Variants in CD151 observed in about 807,000 individuals in gnomAD.
CD151 encodes CD151 molecule (Raph blood group).
CD151 carries 20 observed loss-of-function variants against 34.2 expected under a neutral mutation model. The ratio of observed to expected loss-of-function variants is 0.58; its 90% confidence interval spans 0.41 to 0.85. CD151 has a LOEUF of 0.85. CD151 is among the 40% of genes least tolerant of loss of function. The pLI is 0.00. For synonymous variants in CD151, 157 were observed against 131.7 expected, an observed-to-expected ratio of 1.19 and a Z score of -1.32; for missense variants, 306 against 324.5, an observed-to-expected ratio of 0.94 and a Z score of 0.44.
chr11:837,483 C>G lies in CD151; in HGVS notation c.480C>G (p.Asn160Lys), dbSNP rs117252522. ...AGTTCCACTGCTGTGGCAGCAACAA[C>G]TCACAGGACTGGCGAGACAGTGAGT... ...QQEFHCCGSN[N>K]SQDWRDSEWI... Residue 160 changes from asparagine to lysine, a missense_variant, in exon 7 of 9, where the codon AAC (asparagine) becomes AAG (lysine). By Grantham distance (94) the Asn-to-Lys change is moderately conservative (BLOSUM62 0). Coordinates refer to ENST00000397420, the MANE Select transcript of CD151 (RefSeq NM_004357.5). 1.2e-6 allele frequency: 2 copies of G among 1,612,972 alleles called. No individual in the cohort carries two copies. The highest frequency in any genetic ancestry group is 3.3e-5 in the Admixed American group (2 of 60,012).
At chr11:835,526 A>C (rs1253020428) in intron 2 of CD151, 2 of 151,410 alleles carry the variant, frequency 1.3e-5, no homozygotes, top group Middle Eastern at 3.4e-3. Context: ...TTTTTGATGG[A>C]GATGGGGTTT....
chr11:836,872 A>T (rs1387579721), intron 5 of CD151, 29 bp downstream of exon 5: 1 of 1,598,770 alleles, frequency 6.3e-7, no homozygotes, highest in Admixed American at 1.7e-5. Flanking sequence ...CCATTCAGAG[A>T]CACAGACATG....
At chr11:835,734 C>G (rs984797493) in intron 2 of CD151, 12 of 252,570 alleles carry the variant, frequency 4.8e-5, no homozygotes, top group South Asian at 4.1e-4. Context: ...GTCGCCCAGG[C>G]TGGAGTGCAG....
chr11:836,296 C>T lies in CD151; in HGVS notation c.130C>T (p.Leu44Phe), dbSNP rs2133959476. 6.2e-7 allele frequency: 1 copy of T among 1,612,776 alleles called. No individual in the cohort carries two copies. The highest frequency in any genetic ancestry group is 8.5e-7 in the Non-Finnish European group (1 of 1,179,948). ...VMAVGIWTLA[L>F]KSDYISLLAS... ...GGCAGTGGGCATCTGGACGCTGGCCCTCAAGAGTGACTACATCAGCCTGCT... is the reference window on the plus strand; with the variant it reads ...GGCAGTGGGCATCTGGACGCTGGCCTTCAAGAGTGACTACATCAGCCTGCT... The change falls in exon 4 of 9, where the codon CTC becomes TTC. Residue 44 changes from leucine to phenylalanine, a missense_variant. Coordinates refer to ENST00000397420, the MANE Select transcript of CD151 (RefSeq NM_004357.5).
rs373773995 is a variant in CD151, at chr11:838,420, GAC to G, written c.*233_*234del. The stretch of plus-strand genomic sequence containing the variant: ...GGGGGGTGTTTTGTGGGGCTCCCCA[GAC>G]ACACTCTCTGCCTGGTGGTCAGATG... On this transcript the variant is annotated 3_prime_UTR_variant, in exon 9 of 9. Transcript: ENST00000397420. 4.4e-5 allele frequency: 26 copies of G among 586,750 alleles called. No homozygotes were observed. In the African/African-American group the frequency reaches 4.7e-4, roughly 11 times the overall value. 36.3% of individuals were successfully genotyped at this position (586,750 alleles called of 1,614,324 possible). A position where few individuals can be genotyped will look rare whatever the true frequency, so the allele number is the denominator to read the frequency against.
chr11:836,201 G>GGCC, intron 3 of CD151, 48 bp downstream of exon 3: 1 of 1,568,774 alleles, frequency 6.4e-7, no homozygotes, highest in Non-Finnish European at 8.8e-7. Context: ...CCCCTCCCGG[G>GGCC]CCACCATCAG....
chr11:837,401 T>G, intron 6 of CD151, 47 bp downstream of exon 6: 1 of 1,610,850 alleles, frequency 6.2e-7, no homozygotes, highest in Non-Finnish European at 8.5e-7. Context: ...AGGGCCTCCC[T>G]GGACCTCTGC....
At chr11:835,756 C>G in intron 2 of CD151, 1 of 308,932 alleles carries the variant, frequency 3.2e-6, no homozygotes, top group Non-Finnish European at 6.2e-6. Flanking sequence ...GGCACCATCT[C>G]GGCTCACTGC....
Position 837,661 on chromosome 11 carries a change from GT to G in CD151, c.615+44del, listed in dbSNP as rs56265615. On this transcript the variant is annotated intron_variant, in intron 7 of 8. Transcript: ENST00000397420. ...TCATGCCTCCAGTGTCTACGAGGTG[GT>G]GGGGGGGCACCCCAGTGACTGGCTG... is the stretch of plus-strand genomic sequence containing the variant. 0.5 allele frequency: 777,691 copies of G among 1,566,738 alleles called. 198,312 individuals carry two copies. Among genetic ancestry groups the G allele is most frequent in the Admixed American group, 0.57 (33,012 of 58,418 alleles).
At chr11:833,110 AG>A (rs1285241141) in intron 1 of CD151, 84 bp downstream of exon 1, 1 of 150,334 alleles carries the variant, frequency 6.7e-6, no homozygotes, top group East Asian at 2.0e-4. Flanking sequence ...GAGGGGCGCG[AG>A]GGGGCCGAAG....
chr11:837,387 C>T, intron 6 of CD151, 33 bp downstream of exon 6: 1 of 1,606,720 alleles, frequency 6.2e-7, no homozygotes, highest in East Asian at 2.2e-5. Flanking sequence ...GCGCGTGCAT[C>T]CCCAGGGCCT....
intron 5 of CD151, 147 bp from the exon 6 acceptor site, chr11:837,103 C>T (rs1846804152): frequency 5.7e-6 from 4 of 698,758 alleles, no homozygotes; most frequent in African/African-American, 1.8e-5. Context: ...ACCACCCAAC[C>T]TCCCCTCATG....
At chr11:833,571 G>A (rs1429228484) in intron 1 of CD151, among the ~76,000 whole-genome samples, 1 of 152,224 alleles carries the variant, frequency 6.6e-6, no homozygotes, top group Non-Finnish European at 1.5e-5. Context: ...CAGGGGCCTG[G>A]TGCAGGTCCC....
In CD151 at chr11:837,233, C is replaced by T; in HGVS notation, c.352-17C>T. 5 of 1,604,624 alleles carry T rather than the reference C, an allele frequency of 3.1e-6. No individual in the cohort carries two copies. Among genetic ancestry groups the T allele is most frequent in the Admixed American group, 1.7e-5 (1 of 60,006 alleles). ...GGTCTTAGACTGAGGCTGAAGTTTC[C>T]TGCACCCCAACCCCAGCTGAACACG... On this transcript the variant is annotated splice_polypyrimidine_tract_variant and intron_variant, in intron 5 of 8. Coordinates refer to ENST00000397420, the MANE Select transcript of CD151 (RefSeq NM_004357.5).
chr11:836,489 C>A, intron 4 of CD151, 47 bp downstream of exon 4: 1 of 1,410,000 alleles, frequency 7.1e-7, no homozygotes, highest in South Asian at 1.3e-5. Flanking sequence ...CAGATGGGCC[C>A]AAGGAGGTTG....
chr11:836,594 C>A, intron 4 of CD151, 152 bp downstream of exon 4: 1 of 831,678 alleles, frequency 1.2e-6, no homozygotes, highest in Non-Finnish European at 1.9e-6. Flanking sequence ...TCCCCACGTT[C>A]CTGCTGGACC....
At chr11:837,391 A>C (rs1327805383) in intron 6 of CD151, 37 bp downstream of exon 6, 1 of 1,609,504 alleles carries the variant, frequency 6.2e-7, no homozygotes, top group Non-Finnish European at 8.5e-7. Flanking sequence ...GTGCATCCCC[A>C]GGGCCTCCCT....
Position 838,370 on chromosome 11 carries a change from G to A in CD151, c.*178G>A. 1.7e-6 allele frequency: 1 copy of A among 602,534 alleles called. No individual in the cohort carries two copies. The highest frequency in any genetic ancestry group is 2.9e-6 in the Non-Finnish European group (1 of 339,040). 37.3% of individuals were successfully genotyped at this position (602,534 alleles called of 1,614,324 possible). On this transcript the variant is annotated 3_prime_UTR_variant, in exon 9 of 9. Coordinates refer to ENST00000397420, the MANE Select transcript of CD151 (RefSeq NM_004357.5). ...CGCACCAATGCCCAGCAGGGGAGGT[G>A]AGGGGGGCTGGCGGGGCGAAGTTTG...
chr11:838,106 C>T, intron 8 of CD151, 27 bp from the exon 9 acceptor site: 1 of 1,611,972 alleles, frequency 6.2e-7, no homozygotes, highest in African/African-American at 1.3e-5. Flanking sequence ...ATGACGTCTG[C>T]TTACGCCCAC....
Sources: gnomAD v4.1 joint callset for allele counts (sites outside exome capture counted in the v4.1 genomes callset) on GRCh38, gnomAD v4.1.1 for gene constraint, MANE v1.5 for transcripts, NCBI Gene and HGNC (gene_info 2026-07-23, HGNC 2026-07-21) for gene names.